Variants in CLNK observed in about 807,000 individuals in gnomAD.
The protein encoded by CLNK is cytokine dependent hematopoietic cell linker, also known as cytokine-dependent hematopoietic cell linker.
Under a neutral mutation model 68.6 loss-of-function variants are expected in CLNK, and 74 were observed. The observed-to-expected ratio is 1.08, with a 90% CI of 0.89 to 1.31. CLNK has a LOEUF of 1.31. Ranked by LOEUF, CLNK falls within the 50% of genes most tolerant of loss-of-function variation. The pLI is 0.00. For missense variants in CLNK, 553 were observed against 515.3 expected (o/e 1.07, Z -0.71); for synonymous variants, 198 against 172.2 (o/e 1.15, Z -1.17).
At chr4:10,723,163 A>G in the CLNK span, among the ~76,000 whole-genome samples, 2 of 152,194 alleles carry the variant, frequency 1.3e-5, no homozygotes, top group Non-Finnish European at 2.9e-5. Flanking sequence ...CTACATGCAA[A>G]TGAAGAGGAT....
chr4:10,598,204 G>T, intron 2 of CLNK, 155 bp from the exon 3 acceptor site: 1 of 602,282 alleles, frequency 1.7e-6, no homozygotes, highest in Non-Finnish European at 2.9e-6. Context: ...TTACCACTAG[G>T]GTTAAAGAAA....
Position 10,564,712 on chromosome 4 carries a change from T to C in CLNK, c.358A>G (p.Ile120Val). The C allele has an allele frequency of 6.2e-7, 1 of 1,612,702 alleles. No homozygotes were observed. Among genetic ancestry groups the C allele is most frequent in the Non-Finnish European group, 8.5e-7 (1 of 1,178,810 alleles). The change falls in exon 7 of 19, where the codon ATT becomes GTT. Residue 120 changes from isoleucine to valine, a missense_variant. Transcript: ENST00000226951. ...TGTGTGTTCCAGGTCGGCTGTCCAA[T>C]GGAGATAGAGGTCCTGGTGTCTAAC... ...LPLDTRTSISIGQPTWNTQTR... is the reference protein window; with the variant it reads ...LPLDTRTSISVGQPTWNTQTR...
At chr4:10,696,087 C>T in the CLNK span, among the ~76,000 whole-genome samples, 1 of 152,140 alleles carries the variant, frequency 6.6e-6, no homozygotes, top group African/African-American at 2.4e-5. Context: ...AACTCCTGAC[C>T]TCAGTTGATC....
upstream of CLNK, among the ~76,000 whole-genome samples, chr4:10,687,015 C>G (rs1369276486): frequency 6.6e-6 from 1 of 151,866 alleles, no homozygotes; most frequent in Admixed American, 6.6e-5. Flanking sequence ...TATACCTACT[C>G]CTTTGATGGA....
rs74974095 is a variant in CLNK, at chr4:10,601,970, G to A, written c.12-3921C>T. 9.2e-3 allele frequency among the ~76,000 whole-genome samples: 1,397 copies of A among 152,304 alleles called. 44 individuals are homozygous for A. The East Asian group carries it at 0.12, about 13-fold the overall frequency. ...AGGGAAACTGAGGTACAGAACATCA[G>A]TGGGCCAACCAAATAATTGTTCTTG... On this transcript the variant is annotated intron_variant, in intron 2 of 18. Transcript: ENST00000226951.
the CLNK span, among the ~76,000 whole-genome samples, chr4:10,703,307 T>G: frequency 6.6e-6 from 1 of 152,178 alleles, no homozygotes; most frequent in East Asian, 1.9e-4. Context: ...TTTGTTTAAG[T>G]GACTCAATAA....
intron 5 of CLNK, among the ~76,000 whole-genome samples, chr4:10,567,154 T>C (rs1049680386): frequency 2.5e-5 from 3 of 117,808 alleles, no homozygotes; most frequent in Non-Finnish European, 5.5e-5. Context: ...AAAAAAAAGA[T>C]AAAGTTGGAG....
chr4:10,709,738 G>A, the CLNK span, among the ~76,000 whole-genome samples: 2 of 152,062 alleles, frequency 1.3e-5, no homozygotes, highest in Admixed American at 1.3e-4. Flanking sequence ...ACTTTTCTTA[G>A]CTCACTTAGA....
chr4:10,663,889 C>T (rs1724293058), intron 2 of CLNK, among the ~76,000 whole-genome samples: 1 of 152,172 alleles, frequency 6.6e-6, no homozygotes, highest in African/African-American at 2.4e-5. Flanking sequence ...CAGAGACATT[C>T]CTTGCCTTCT....
intron 2 of CLNK, among the ~76,000 whole-genome samples, chr4:10,653,331 C>G (rs1723829037): frequency 1.3e-5 from 2 of 151,906 alleles, no homozygotes; most frequent in Admixed American, 1.3e-4. Flanking sequence ...CCTGCACATT[C>G]TGCACACGTA....
intron 15 of CLNK, among the ~76,000 whole-genome samples, chr4:10,513,832 A>ATTATT (rs1553845611): frequency 1.4e-4 from 21 of 145,660 alleles, no homozygotes; most frequent in African/African-American, 4.8e-4. Flanking sequence ...TTTTTTTTTA[A>ATTATT]ATTATTATTA....
chr4:10,494,355 A>C (rs1716716940), intron 18 of CLNK, among the ~76,000 whole-genome samples: 1 of 152,240 alleles, frequency 6.6e-6, no homozygotes, highest in Non-Finnish European at 1.5e-5. Context: ...ATTTGCTATT[A>C]ATTGTTTTAA....
chr4:10,566,606 T>C (rs1720125304), intron 5 of CLNK, among the ~76,000 whole-genome samples: 1 of 152,244 alleles, frequency 6.6e-6, no homozygotes, highest in Non-Finnish European at 1.5e-5. Flanking sequence ...ACAGGATTAA[T>C]ATACCAAATT....
intron 4 of CLNK, among the ~76,000 whole-genome samples, 183 bp downstream of exon 4, chr4:10,584,744 G>A (rs1053188728): frequency 2.0e-5 from 3 of 152,188 alleles, no homozygotes; most frequent in African/African-American, 7.2e-5. Flanking sequence ...AGCCTCCAAA[G>A]CTTTGGACAG....
At chr4:10,560,781 A>AT (rs1719856045) in intron 7 of CLNK, among the ~76,000 whole-genome samples, 1 of 152,226 alleles carries the variant, frequency 6.6e-6, no homozygotes, top group African/African-American at 2.4e-5. Flanking sequence ...CTCAACATAA[A>AT]TGTGCAGAAC....
chr4:10,593,037 C>T (rs1023648067), intron 3 of CLNK, among the ~76,000 whole-genome samples: 3 of 152,238 alleles, frequency 2.0e-5, no homozygotes, highest in African/African-American at 7.2e-5. Context: ...TGAGCATCTA[C>T]GCTGTAGGAG....
chr4:10,733,201 C>A, the CLNK span, among the ~76,000 whole-genome samples: 1 of 152,148 alleles, frequency 6.6e-6, no homozygotes, highest in Non-Finnish European at 1.5e-5. Context: ...AGACCTCTTT[C>A]ATGGCAAGAG....
At chr4:10,520,106 GCA>G in intron 15 of CLNK, among the ~76,000 whole-genome samples, 1 of 151,894 alleles carries the variant, frequency 6.6e-6, no homozygotes, top group South Asian at 2.1e-4. Context: ...AATCTTCATG[GCA>G]CACAGAGTGA....
At chr4:10,711,905 T>C in the CLNK span, among the ~76,000 whole-genome samples, 2 of 152,194 alleles carry the variant, frequency 1.3e-5, no homozygotes, top group Non-Finnish European at 2.9e-5. Context: ...AGAAATACTC[T>C]TGGGGATTCC....
Sources: allele counts gnomAD v4.1 joint callset (sites outside exome capture counted in the v4.1 genomes callset), GRCh38; gene constraint gnomAD v4.1.1; transcripts MANE v1.5; gene names NCBI Gene and HGNC (gene_info 2026-07-23, HGNC 2026-07-21).